Variants in SORCS1 observed in about 807,000 individuals in gnomAD.
The protein encoded by SORCS1 is sortilin related VPS10 domain containing receptor 1.
SORCS1 carries 60 observed loss-of-function variants against 146.1 expected under a neutral mutation model. The observed-to-expected ratio is 0.41, with a 90% CI of 0.33 to 0.51. SORCS1 has a LOEUF of 0.51. Among genes scored for constraint, SORCS1 ranks in the 20% least tolerant of loss-of-function variants. The probability of loss-of-function intolerance (pLI) is 0.21; values close to 1 mark genes in which losing one functional copy is unlikely to be tolerated. For missense variants in SORCS1, 1,352 were observed against 1,487.6 expected (o/e 0.91, Z 1.50); for synonymous variants, 637 against 584.0 (o/e 1.09, Z -1.31).
At chr10:106,877,696 C>A (rs1950643152) in intron 2 of SORCS1, among the ~76,000 whole-genome samples, 1 of 152,062 alleles carries the variant, frequency 6.6e-6, no homozygotes, top group South Asian at 2.1e-4. Context: ...AGAATCCAGT[C>A]CCTCGGGGAA....
In SORCS1 at chr10:106,577,331, A is replaced by C. The variant is rs1220686461; in HGVS notation, c.*89T>G. The C allele has an allele frequency of 4.3e-6, 7 of 1,610,594 alleles. No homozygotes were observed. Among genetic ancestry groups the C allele is most frequent in the Non-Finnish European group, 5.9e-6 (7 of 1,178,680 alleles). ...ACAACAAAGGAAAGAAAAAAAACACAAAGTTAGTGGTCATGAAGGATGATG... is the reference window on the plus strand; with the variant it reads ...ACAACAAAGGAAAGAAAAAAAACACCAAGTTAGTGGTCATGAAGGATGATG... On this transcript the variant is annotated 3_prime_UTR_variant, in exon 26 of 26. Transcript: ENST00000263054.
chr10:106,771,396 T>C (rs1860011947), intron 4 of SORCS1, among the ~76,000 whole-genome samples: 2 of 152,188 alleles, frequency 1.3e-5, no homozygotes, highest in Admixed American at 1.3e-4. Context: ...AATAAAGATG[T>C]AATCTGGCAG....
At chr10:106,991,806 G>A (rs1956782963) in intron 1 of SORCS1, among the ~76,000 whole-genome samples, 1 of 152,162 alleles carries the variant, frequency 6.6e-6, no homozygotes, top group Non-Finnish European at 1.5e-5. Flanking sequence ...CAAGAAGAGG[G>A]AGGATGAAGT....
intron 3 of SORCS1, among the ~76,000 whole-genome samples, chr10:106,779,345 AG>A (rs1860710678): frequency 6.6e-6 from 1 of 152,110 alleles, no homozygotes; most frequent in South Asian, 2.1e-4. Flanking sequence ...ATTTTTCATT[AG>A]TTATTTTTCT....
intron 1 of SORCS1, among the ~76,000 whole-genome samples, chr10:107,061,943 C>T (rs1242769129): frequency 1.3e-5 from 2 of 152,032 alleles, no homozygotes; most frequent in Admixed American, 1.3e-4. Flanking sequence ...GGTAGCTAAC[C>T]TTTATTGAGA....
At chr10:106,955,181 G>A (rs370393458) in intron 2 of SORCS1, among the ~76,000 whole-genome samples, 155 of 152,326 alleles carry the variant, frequency 1.0e-3, no homozygotes, top group African/African-American at 3.3e-3. Context: ...CCTAGACCTC[G>A]GCTCCCCAAG....
intron 2 of SORCS1, among the ~76,000 whole-genome samples, chr10:106,953,541 A>G (rs1954801272): frequency 2.0e-5 from 3 of 150,070 alleles, no homozygotes; most frequent in African/African-American, 4.8e-5. Context: ...ATATATAGTC[A>G]TGTATCACTT....
At chr10:107,037,196 A>G (rs1958941119) in intron 1 of SORCS1, among the ~76,000 whole-genome samples, 1 of 152,210 alleles carries the variant, frequency 6.6e-6, no homozygotes, top group East Asian at 1.9e-4. Context: ...TAGTGAGCTG[A>G]GATTGCGCCA....
At chr10:106,616,668 G>A (rs539323703) in intron 21 of SORCS1, among the ~76,000 whole-genome samples, 63 of 152,262 alleles carry the variant, frequency 4.1e-4, no homozygotes, top group Non-Finnish European at 6.5e-4. Context: ...GGCTGATCAA[G>A]CCTTTCAGGA....
At chr10:107,069,462 G>A (rs550837020) in intron 1 of SORCS1, among the ~76,000 whole-genome samples, 2 of 151,378 alleles carry the variant, frequency 1.3e-5, no homozygotes, top group South Asian at 2.1e-4. Flanking sequence ...TGCAACCTTC[G>A]CCTCCCAGGT....
chr10:106,921,799 G>T, intron 2 of SORCS1, among the ~76,000 whole-genome samples: 1 of 152,236 alleles, frequency 6.6e-6, no homozygotes, highest in South Asian at 2.1e-4. Flanking sequence ...TAAGCAAGCT[G>T]ACACCTATCC....
intron 3 of SORCS1, among the ~76,000 whole-genome samples, chr10:106,784,407 A>C (rs1234945737): frequency 6.6e-6 from 1 of 152,066 alleles, no homozygotes; most frequent in Non-Finnish European, 1.5e-5. Flanking sequence ...AAAAAAAAAA[A>C]AACCTAAACA....
At chr10:106,678,082 C>T (rs888494890) in intron 12 of SORCS1, among the ~76,000 whole-genome samples, 13 of 152,148 alleles carry the variant, frequency 8.5e-5, no homozygotes, top group African/African-American at 3.1e-4. Context: ...TCTCTAGATC[C>T]TTTCTGTATA....
chr10:106,916,784 C>T (rs1396007068), intron 2 of SORCS1, among the ~76,000 whole-genome samples: 2 of 152,092 alleles, frequency 1.3e-5, no homozygotes, highest in Admixed American at 1.3e-4. Flanking sequence ...GAGTCCCACT[C>T]TGTCGGCCAG....
the SORCS1 span, among the ~76,000 whole-genome samples, chr10:107,179,785 T>C: frequency 6.6e-6 from 1 of 152,190 alleles, no homozygotes; most frequent in African/African-American, 2.4e-5. Context: ...TGTTGAGTTT[T>C]GAGTGTTCTT....
chr10:106,818,347 G>A (rs956324432), intron 3 of SORCS1, among the ~76,000 whole-genome samples: 1 of 150,516 alleles, frequency 6.6e-6, no homozygotes, highest in Non-Finnish European at 1.5e-5. Context: ...CATAAAAACT[G>A]TAATTCAAAT....
chr10:107,016,673 T>C (rs1957911572), intron 1 of SORCS1, among the ~76,000 whole-genome samples: 1 of 152,172 alleles, frequency 6.6e-6, no homozygotes, highest in African/African-American at 2.4e-5. Flanking sequence ...AAAAACATGG[T>C]AAATTGACTA....
chr10:106,588,818 G>C (rs568271817), intron 24 of SORCS1, among the ~76,000 whole-genome samples: 6 of 120,380 alleles, frequency 5.0e-5, no homozygotes, highest in African/African-American at 1.9e-4. Context: ...CCGAGATCAC[G>C]CCACTGCACT....
At chr10:106,775,891 G>A (rs11193045) in intron 4 of SORCS1, among the ~76,000 whole-genome samples, 7,142 of 152,152 alleles carry the variant, frequency 0.047, 266 homozygotes, top group East Asian at 0.11. Context: ...TATATATGTC[G>A]TATAGAGTAC....
Sources: gnomAD v4.1 joint callset for allele counts (sites outside exome capture counted in the v4.1 genomes callset) on GRCh38, gnomAD v4.1.1 for gene constraint, MANE v1.5 for transcripts, NCBI Gene and HGNC (gene_info 2026-07-23, HGNC 2026-07-21) for gene names.